C10orf143: variants seen among roughly 807,000 people sequenced by gnomAD.
C10orf143 encodes chromosome 10 open reading frame 143, also known as uncharacterized protein C10orf143.
intron 3 of C10orf143, among the ~76,000 whole-genome samples, chr10:130,055,096 A>G (rs1860780637): frequency 6.6e-6 from 1 of 152,340 alleles, no homozygotes; most frequent in South Asian, 2.1e-4. Context: ...TCCTAAAACT[A>G]TAAAACTCCT....
chr10:130,072,302 C>A (rs1278299297), intron 3 of C10orf143, among the ~76,000 whole-genome samples: 2 of 152,120 alleles, frequency 1.3e-5, no homozygotes, highest in Non-Finnish European at 2.9e-5. Context: ...ATATGCCTTT[C>A]TTCAATTCTG....
chr10:130,057,450 G>A lies in C10orf143; in HGVS notation c.298-21480C>T, dbSNP rs540784044. ...CTACCAAGATGCCGAAGACTTGACA[G>A]TGATCACAGAAACCAAGGCCAGGAA... On this transcript the variant is annotated intron_variant and NMD_transcript_variant, in intron 3 of 5. Coordinates refer to the C10orf143 transcript ENST00000643056. Among the ~76,000 whole-genome samples the A allele has an allele frequency of 3.3e-5, 5 of 152,320 alleles. No individual in the cohort carries two copies. In the South Asian group the frequency reaches 1.0e-3, roughly 32 times the overall value.
intron 1 of C10orf143, among the ~76,000 whole-genome samples, chr10:130,094,642 T>C (rs1369517507): frequency 2.0e-5 from 3 of 152,152 alleles, no homozygotes; most frequent in African/African-American, 4.8e-5. Context: ...ATTGTCTCAA[T>C]AGATGCAGAA....
chr10:130,049,062 C>T (rs951337651), intron 3 of C10orf143, among the ~76,000 whole-genome samples: 8 of 152,274 alleles, frequency 5.3e-5, no homozygotes, highest in African/African-American at 1.9e-4. Flanking sequence ...CCGCAGCTGG[C>T]CCCTAGGACT....
intron 1 of C10orf143, among the ~76,000 whole-genome samples, chr10:130,092,804 C>CA (rs977493411): frequency 1.9e-4 from 28 of 151,072 alleles, no homozygotes; most frequent in Non-Finnish European, 2.8e-4. Context: ...CAATGAAGAT[C>CA]AAAAAAAAGA....
At chr10:130,068,555 G>A (rs1348073451) in intron 3 of C10orf143, 1 of 134,198 alleles carries the variant, frequency 7.5e-6, no homozygotes, top group Non-Finnish European at 1.5e-5. Flanking sequence ...AGGTTGCAGT[G>A]AGCTGAGATC....
At chr10:130,081,299 G>A (rs1053356888) in intron 1 of C10orf143, among the ~76,000 whole-genome samples, 4 of 152,046 alleles carry the variant, frequency 2.6e-5, no homozygotes, top group Admixed American at 6.6e-5. Context: ...CCTATGAGCC[G>A]AATAATACAA....
At chr10:130,096,397 T>C (rs1861462339) in intron 1 of C10orf143, among the ~76,000 whole-genome samples, 1 of 151,728 alleles carries the variant, frequency 6.6e-6, no homozygotes, top group Admixed American at 6.6e-5. Context: ...TCCTCAAGGA[T>C]CTAGAACCAG....
downstream of C10orf143, among the ~76,000 whole-genome samples, chr10:130,059,584 C>CT (rs1290269351): frequency 6.6e-6 from 1 of 152,088 alleles, no homozygotes; most frequent in East Asian, 1.9e-4. Flanking sequence ...AGAAGACTTG[C>CT]TAAAAAATCT....
chr10:130,039,125 A>T (rs1467253100), intron 3 of C10orf143, among the ~76,000 whole-genome samples: 1 of 151,618 alleles, frequency 6.6e-6, no homozygotes, highest in Non-Finnish European at 1.5e-5. Flanking sequence ...CTGTCACCCC[A>T]GCAGCTGGGA....
At chr10:130,069,123 C>A (rs1307132141) in intron 3 of C10orf143, among the ~76,000 whole-genome samples, 1 of 152,092 alleles carries the variant, frequency 6.6e-6, no homozygotes, top group Non-Finnish European at 1.5e-5. Context: ...GATCTAGAAC[C>A]AAAGAATCTT....
intron 1 of C10orf143, among the ~76,000 whole-genome samples, chr10:130,083,841 T>A (rs1411679868): frequency 6.6e-6 from 1 of 151,966 alleles, no homozygotes; most frequent in Admixed American, 6.6e-5. Flanking sequence ...AGTGTAGAGC[T>A]CTGCATTAAA....
rs557675159 is a variant in C10orf143, at chr10:130,106,634, T to C, written c.69+4070A>G. On this transcript the variant is annotated intron_variant, in intron 1 of 3. Coordinates refer to ENST00000637128, the MANE Select transcript of C10orf143 (RefSeq NM_001355042.2). ...TGAAGCCAAAATGATCTTCAAGAGA[T>C]TTAAAATGACTGAGAAACAACTGAA... The C allele has an allele frequency of 2.3e-6, 3 of 1,305,294 alleles. No individual in the cohort carries two copies. The South Asian group carries it at 3.5e-5, about 15-fold the overall frequency. The allele number at this position is 1,305,294 out of a possible 1,614,324, so 80.9% of individuals were successfully genotyped here. A position where few individuals can be genotyped will look rare whatever the true frequency, so the allele number is the denominator to read the frequency against.
chr10:130,043,628 AT>A (rs1359479285), intron 3 of C10orf143, among the ~76,000 whole-genome samples: 1 of 152,174 alleles, frequency 6.6e-6, no homozygotes, highest in East Asian at 1.9e-4. Context: ...AACAAACCCC[AT>A]AAGCACCCCC....
intron 3 of C10orf143, among the ~76,000 whole-genome samples, chr10:130,046,750 C>G (rs1194918107): frequency 1.3e-5 from 2 of 152,222 alleles, no homozygotes; most frequent in Non-Finnish European, 2.9e-5. Context: ...AGGCCACCAG[C>G]TCGCCCACGC....
intron 3 of C10orf143, among the ~76,000 whole-genome samples, chr10:130,054,369 CTGAG>C (rs142388923): frequency 3.9e-5 from 6 of 152,328 alleles, no homozygotes; most frequent in Non-Finnish European, 5.9e-5. Flanking sequence ...TTTTTAAAGA[CTGAG>C]TAATATTCCA....
intron 1 of C10orf143, chr10:130,107,175 A>C: frequency 1.3e-6 from 2 of 1,541,406 alleles, no homozygotes; most frequent in African/African-American, 1.4e-5. Context: ...CAGAAGCTTC[A>C]ACAGAAACTT....
chr10:130,038,355 C>T (rs1403786594), intron 3 of C10orf143, among the ~76,000 whole-genome samples: 2 of 152,064 alleles, frequency 1.3e-5, no homozygotes, highest in Non-Finnish European at 2.9e-5. Flanking sequence ...AATAACAGGC[C>T]GTTGTCCAGG....
At chr10:130,101,874 A>AAAAAAAAAAAC (rs1861561489) in intron 1 of C10orf143, among the ~76,000 whole-genome samples, 3 of 141,286 alleles carry the variant, frequency 2.1e-5, no homozygotes, top group African/African-American at 5.4e-5. Context: ...CCAAAAAAAA[A>AAAAAAAAAAAC]AAAAAAAAAA....
Sources: gnomAD v4.1 joint callset for allele counts (sites outside exome capture counted in the v4.1 genomes callset) on GRCh38, gnomAD v4.1.1 for gene constraint, MANE v1.5 for transcripts, NCBI Gene and HGNC (gene_info 2026-07-23, HGNC 2026-07-21) for gene names.